The following NOL4 variants were observed in gnomAD, a reference collection of about 807,000 sequenced individuals.
NOL4 encodes the protein nucleolar protein 4.
A neutral mutation model predicts 75.9 loss-of-function variants in NOL4; 17 were observed. The ratio of observed to expected loss-of-function variants is 0.22; its 90% CI spans 0.15 to 0.34. NOL4 has a LOEUF of 0.34. Among genes scored for constraint, NOL4 ranks in the 10% least tolerant of loss-of-function variants. The probability of loss-of-function intolerance (pLI) is 1.00; values close to 1 mark genes in which losing one functional copy is unlikely to be tolerated. For synonymous variants in NOL4, 292 were observed against 289.9 expected, an observed-to-expected ratio of 1.01 and a Z score of -0.07; for missense variants, 614 against 793.5, an observed-to-expected ratio of 0.77 and a Z score of 2.72.
intron 6 of NOL4, among the ~76,000 whole-genome samples, chr18:34,016,550 C>T (rs531650584): frequency 3.2e-4 from 49 of 152,184 alleles, no homozygotes; most frequent in Admixed American, 1.8e-3. Flanking sequence ...ATGCCAGGTA[C>T]GCTCTCTCAT....
At chr18:34,096,594 C>A (rs926284671) in intron 4 of NOL4, among the ~76,000 whole-genome samples, 1 of 152,028 alleles carries the variant, frequency 6.6e-6, no homozygotes, top group Non-Finnish European at 1.5e-5. Context: ...TATCTCTAGA[C>A]CATTCATCTA....
chr18:34,154,706 A>G lies in NOL4; in HGVS notation c.265-24686T>C, dbSNP rs1568400527. The stretch of plus-strand genomic sequence containing the variant: ...ATATACTATTGCTATATATATATAT[A>G]TCTTTGTAAAATGTGCTAAATAGTT... On this transcript the variant is annotated intron_variant, in intron 1 of 10. Coordinates refer to ENST00000261592, the MANE Select transcript of NOL4 (RefSeq NM_003787.5). Among the ~76,000 whole-genome samples the G allele has an allele frequency of 2.0e-5, 3 of 151,944 alleles. 1 individual carries two copies. Among genetic ancestry groups the G allele is most frequent in the South Asian group, 4.1e-4 (2 of 4,830 alleles).
chr18:34,217,184 A>C (rs778491376), intron 1 of NOL4, among the ~76,000 whole-genome samples: 1 of 152,146 alleles, frequency 6.6e-6, no homozygotes, highest in African/African-American at 2.4e-5. Flanking sequence ...TTACAATAAC[A>C]GTCATTTTTT....
intron 1 of NOL4, among the ~76,000 whole-genome samples, chr18:34,163,740 C>T (rs1339429648): frequency 6.6e-6 from 1 of 152,114 alleles, no homozygotes; most frequent in Admixed American, 6.5e-5. Context: ...GAAAAAACTA[C>T]TTTAAAGTTC....
At chr18:34,046,547 G>A (rs2076371189) in intron 5 of NOL4, among the ~76,000 whole-genome samples, 1 of 140,848 alleles carries the variant, frequency 7.1e-6, no homozygotes, top group Admixed American at 7.5e-5. Context: ...GAAAAACTTT[G>A]GTTAAGGTAG....
At chr18:33,936,184 A>G (rs2068044807) in intron 9 of NOL4, among the ~76,000 whole-genome samples, 1 of 152,098 alleles carries the variant, frequency 6.6e-6, no homozygotes, top group Non-Finnish European at 1.5e-5. Flanking sequence ...AATTGCCCCC[A>G]CGCTTACGTG....
At chr18:34,028,253 G>T (rs545437820) in intron 5 of NOL4, among the ~76,000 whole-genome samples, 2 of 152,224 alleles carry the variant, frequency 1.3e-5, no homozygotes, top group East Asian at 3.9e-4. Context: ...ATTCTATTTT[G>T]AAAATCCTTG....
At chr18:34,171,676 C>T (rs192793768) in intron 1 of NOL4, among the ~76,000 whole-genome samples, 1 of 152,210 alleles carries the variant, frequency 6.6e-6, no homozygotes, top group African/African-American at 2.4e-5. Flanking sequence ...TCTAGTAATG[C>T]TTGCTCTTAC....
At chr18:34,048,699 T>C (rs2076494796) in intron 5 of NOL4, 2 of 681,402 alleles carry the variant, frequency 2.9e-6, no homozygotes, top group African/African-American at 2.0e-5. Flanking sequence ...CAGGGAAACA[T>C]GCACTCAGTC....
chr18:34,034,997 G>C (rs759211710), intron 5 of NOL4, among the ~76,000 whole-genome samples: 43 of 151,860 alleles, frequency 2.8e-4, no homozygotes, highest in Non-Finnish European at 4.3e-4. Flanking sequence ...GATGGCAATA[G>C]ACTCTAAAAC....
chr18:33,862,613 C>T (rs1016723116), intron 10 of NOL4, among the ~76,000 whole-genome samples: 8 of 152,120 alleles, frequency 5.3e-5, no homozygotes, highest in Admixed American at 3.9e-4. Flanking sequence ...GGACAAAGGA[C>T]ACGAACAGAA....
In NOL4 at chr18:33,983,208, G is replaced by C. The variant is rs79591717; in HGVS notation, c.1057-24790C>G. Among the ~76,000 whole-genome samples, 1,189 of 152,140 alleles carry C rather than the reference G, an allele frequency of 7.8e-3. 12 individuals are homozygous for C. The highest frequency in any genetic ancestry group is 0.027 in the African/African-American group (1,121 of 41,512). ...GGTTAGGGGGAGGAAGGGATAAATG[G>C]GCAGAGCACAAAGGATTTTAAGATA... On this transcript the variant is annotated intron_variant, in intron 6 of 10. Transcript: ENST00000261592.
intron 10 of NOL4, among the ~76,000 whole-genome samples, chr18:33,882,036 C>T (rs568373687): frequency 6.6e-6 from 1 of 152,154 alleles, no homozygotes; most frequent in Non-Finnish European, 1.5e-5. Flanking sequence ...CTTCCTTACA[C>T]CTTACACAAA....
Position 34,019,321 on chromosome 18 carries a change from G to T in NOL4, c.1053C>A (p.Ser351Arg), listed in dbSNP as rs768217537. The change falls in exon 6 of 11, where the codon AGC becomes AGA. Residue 351 changes from serine to arginine, a missense_variant. Physicochemically the swap from Ser to Arg is moderately radical, Grantham distance 110. Coordinates refer to ENST00000261592, the MANE Select transcript of NOL4 (RefSeq NM_003787.5). ...GGAAATTGTAATGTGATCATACCTT[G>T]CTTCCATTTTCTCTCGCCTCTCGTT... ...KMEREARENG[S>R]KSPAHSYSSY... is the part of the protein sequence containing the mutation. The T allele has an allele frequency of 2.0e-5, 32 of 1,612,710 alleles. No individual in the cohort carries two copies. The South Asian group carries it at 3.4e-4, about 17-fold the overall frequency.
chr18:34,078,864 G>C (rs1226105036), intron 5 of NOL4, among the ~76,000 whole-genome samples: 2 of 152,196 alleles, frequency 1.3e-5, no homozygotes, highest in Non-Finnish European at 2.9e-5. Flanking sequence ...TAGCTGTGAA[G>C]CTCTAGATAT....
chr18:33,945,281 C>T (rs2068761224), intron 8 of NOL4, among the ~76,000 whole-genome samples: 1 of 151,346 alleles, frequency 6.6e-6, no homozygotes, highest in Admixed American at 6.6e-5. Flanking sequence ...TCAGCTATCA[C>T]CATTAAAAAT....
chr18:33,913,180 GA>G (rs1263051546), intron 9 of NOL4, among the ~76,000 whole-genome samples: 1 of 152,098 alleles, frequency 6.6e-6, no homozygotes, highest in Admixed American at 6.6e-5. Flanking sequence ...AACATTGCAT[GA>G]AATTGTTCAA....
chr18:33,927,580 A>T (rs1375815493), intron 9 of NOL4, among the ~76,000 whole-genome samples: 1 of 152,184 alleles, frequency 6.6e-6, no homozygotes, highest in East Asian at 1.9e-4. Context: ...CACTGATAAC[A>T]CAGCAAAGAT....
chr18:34,212,010 T>G (rs1364431365), intron 1 of NOL4, among the ~76,000 whole-genome samples: 5 of 152,150 alleles, frequency 3.3e-5, no homozygotes, highest in Non-Finnish European at 7.4e-5. Flanking sequence ...TATTGTTATA[T>G]TTTCTTGTAA....
Sources: gnomAD v4.1 joint callset for allele counts (sites outside exome capture counted in the v4.1 genomes callset) on GRCh38, gnomAD v4.1.1 for gene constraint, MANE v1.5 for transcripts, NCBI Gene and HGNC (gene_info 2026-07-23, HGNC 2026-07-21) for gene names.